The following GSTA5 variants were observed in gnomAD, a reference collection of about 807,000 sequenced individuals.
GSTA5 encodes glutathione S-transferase A5.
Under a neutral mutation model 21.8 loss-of-function variants are expected in GSTA5, and 25 were observed. The ratio of observed to expected loss-of-function variants is 1.14; its 90% CI spans 0.83 to 1.60. The LOEUF (loss-of-function observed/expected upper bound fraction) is 1.60, where lower values mean the gene tolerates loss of function less well. Among genes scored for constraint, GSTA5 ranks in the 40% most tolerant of loss-of-function variants. GSTA5 has a pLI of 0.00. For missense variants in GSTA5, 330 were observed against 259.2 expected (o/e 1.27, Z -1.88); for synonymous variants, 102 against 89.5 (o/e 1.14, Z -0.78).
chr6:52,842,680 C>T (rs1029522958), upstream of GSTA5, among the ~76,000 whole-genome samples: 5 of 152,180 alleles, frequency 3.3e-5, no homozygotes, highest in African/African-American at 1.2e-4. Flanking sequence ...GCTGGAATTA[C>T]AGGCGTGAGC....
chr6:52,832,855 T>G lies in GSTA5; in HGVS notation c.546+4A>C. ...CTGTCTCTCTGGGCTGTGAAATGGG[T>G]CACCTTCAGCAGAGGGAAGCTGGAG... On this transcript the variant is annotated splice_donor_region_variant and intron_variant, in intron 5 of 5. Coordinates refer to ENST00000370989, the Ensembl canonical transcript of GSTA5. The G allele has an allele frequency of 1.9e-6, 3 of 1,613,690 alleles. No individual in the cohort carries two copies. The highest frequency in any genetic ancestry group is 2.5e-6 in the Non-Finnish European group (3 of 1,179,838).
At chr6:52,840,922 G>A, upstream of GSTA5, 3 of 947,794 alleles carry the variant, frequency 3.2e-6, no homozygotes, top group South Asian at 3.4e-5. Flanking sequence ...CACAAACAAT[G>A]CTGAAGAAGA....
At chr6:52,834,586 A>G (rs1331712365) in intron 3 of GSTA5, among the ~76,000 whole-genome samples, 3 of 152,180 alleles carry the variant, frequency 2.0e-5, no homozygotes, top group Non-Finnish European at 2.9e-5. Context: ...CATGAGAGAA[A>G]TTGGTGGAAT....
chr6:52,836,414 C>T, intron 2 of GSTA5, 46 bp from the exon 3 acceptor site: 1 of 1,586,956 alleles, frequency 6.3e-7, no homozygotes, highest in South Asian at 1.2e-5. Flanking sequence ...CTATGAAACC[C>T]ACCCTTTTGG....
chr6:52,840,885 T>C (rs750194725), upstream of GSTA5: 65 of 1,403,604 alleles, frequency 4.6e-5, no homozygotes, highest in Non-Finnish European at 6.5e-5. Context: ...GAATCAAAAA[T>C]GTACTTTAGG....
chr6:52,836,508 T>A, intron 2 of GSTA5, 140 bp from the exon 3 acceptor site: 6 of 861,038 alleles, frequency 7.0e-6, no homozygotes, highest in Non-Finnish European at 1.1e-5. Flanking sequence ...TTGAAACAAC[T>A]TTTTTCCTTG....
At chr6:52,838,455 TAA>T (rs1005462241) in intron 1 of GSTA5, among the ~76,000 whole-genome samples, 2 of 152,236 alleles carry the variant, frequency 1.3e-5, no homozygotes, top group African/African-American at 4.8e-5. Flanking sequence ...TCGTTAAATA[TAA>T]GTTATGTTTA....
exon 6 of GSTA5, chr6:52,831,796 G>A: frequency 2.5e-6 from 4 of 1,604,838 alleles, no homozygotes; most frequent in Non-Finnish European, 3.4e-6. Context: ...CTTCATTGTT[G>A]CAAACTGTAG....
exon 4 of GSTA5, chr6:52,834,180 T>C: frequency 6.2e-7 from 1 of 1,614,180 alleles, no homozygotes; most frequent in Non-Finnish European, 8.5e-7. Flanking sequence ...TTATTTTCTC[T>C]TTGACCAAGG....
intron 1 of GSTA5, 130 bp downstream of exon 1, chr6:52,840,597 T>G: frequency 2.4e-6 from 2 of 846,862 alleles, no homozygotes; most frequent in South Asian, 3.2e-5. Flanking sequence ...ATTCATCTTT[T>G]TCTTAATTAC....
chr6:52,842,713 T>C (rs531976565), upstream of GSTA5, among the ~76,000 whole-genome samples: 5 of 152,332 alleles, frequency 3.3e-5, no homozygotes, highest in South Asian at 1.0e-3. Context: ...CGTCAACTAA[T>C]GTACTTCTAC....
chr6:52,833,726 T>C (rs1204539678), intron 4 of GSTA5, among the ~76,000 whole-genome samples: 1 of 152,178 alleles, frequency 6.6e-6, no homozygotes, highest in Non-Finnish European at 1.5e-5. Flanking sequence ...GGTTGGGCAA[T>C]TGGTTTCCTG....
chr6:52,834,616 T>C (rs1764267735), intron 3 of GSTA5, among the ~76,000 whole-genome samples: 1 of 152,208 alleles, frequency 6.6e-6, no homozygotes, highest in Non-Finnish European at 1.5e-5. Context: ...TACCCACTGA[T>C]GCTGTGCCAG....
exon 4 of GSTA5, chr6:52,834,273 C>A: frequency 6.2e-7 from 1 of 1,608,046 alleles, no homozygotes; most frequent in South Asian, 1.1e-5. Flanking sequence ...CTTCTGTGTA[C>A]ATATCAATCC....
At chr6:52,837,677 C>T in intron 1 of GSTA5, 68 bp from the exon 2 acceptor site, 1 of 1,092,990 alleles carries the variant, frequency 9.1e-7, no homozygotes, top group South Asian at 1.4e-5. Flanking sequence ...TGTTGAATGG[C>T]CCCTATCTGG....
chr6:52,838,608 G>A (rs1764324693), intron 1 of GSTA5, among the ~76,000 whole-genome samples: 1 of 152,242 alleles, frequency 6.6e-6, no homozygotes, highest in African/African-American at 2.4e-5. Flanking sequence ...CAGAAGCTAT[G>A]AGTGGTTGCA....
At chr6:52,838,009 C>A (rs778212201) in intron 1 of GSTA5, among the ~76,000 whole-genome samples, 2 of 152,184 alleles carry the variant, frequency 1.3e-5, no homozygotes, top group African/African-American at 2.4e-5. Flanking sequence ...ATGCCATGGG[C>A]TAATGGCCAT....
chr6:52,843,339 A>G (rs1197216363), upstream of GSTA5, among the ~76,000 whole-genome samples: 1 of 152,188 alleles, frequency 6.6e-6, no homozygotes, highest in Non-Finnish European at 1.5e-5. Context: ...TGTCTTCCAC[A>G]ATGGTTGAAC....
At chr6:52,832,015 C>T (rs754545395) in intron 5 of GSTA5, 45 bp from the exon 6 acceptor site, 1 of 1,579,252 alleles carries the variant, frequency 6.3e-7, no homozygotes, top group Non-Finnish European at 8.6e-7. Context: ...CAAGGCCGGC[C>T]ACCATCATTA....
Sources: allele counts gnomAD v4.1 joint callset (sites outside exome capture counted in the v4.1 genomes callset), GRCh38; gene constraint gnomAD v4.1.1; transcripts MANE v1.5; gene names NCBI Gene and HGNC (gene_info 2026-07-23, HGNC 2026-07-21).